DHH: variants seen among roughly 807,000 people sequenced by gnomAD.
DHH encodes desert hedgehog protein.
In DHH, 16 loss-of-function variants were observed where a neutral mutation model predicts 27.6. That is an observed-to-expected ratio of 0.58 (90% CI 0.39 to 0.88). DHH has a LOEUF of 0.88. Ranked by LOEUF, DHH falls within the 40% of genes least tolerant of loss-of-function variation. DHH has a pLI of 0.00. For synonymous variants in DHH, 289 were observed against 263.4 expected (o/e 1.10, Z -0.94); for missense variants, 436 against 563.1 (o/e 0.77, Z 2.28).
In DHH at chr12:49,087,403, A is replaced by T. The variant is rs1418569011; in HGVS notation, c.*2456T>A. Among the ~76,000 whole-genome samples the T allele has an allele frequency of 6.6e-6, 1 of 152,192 alleles. No homozygotes were observed. The highest frequency in any genetic ancestry group is 1.5e-5 in the Non-Finnish European group (1 of 68,028). On this transcript the variant is annotated 3_prime_UTR_variant, in exon 3 of 3. Coordinates refer to ENST00000649637, the MANE Select transcript of DHH (RefSeq NM_021044.4). ...ATCACCATTATGATTTTATGGTTAA[A>T]GGTTAAAACTGTAAGATATATGTAT...
At position 49,090,261 on chromosome 12, in the gene DHH, G is replaced by T; in HGVS notation, c.789C>A (p.Arg263=). The stretch of plus-strand genomic sequence containing the variant: ...GGTGCCAGGGCGTGAGCAACAGTTT[G>T]CGTGGAGGCCACTCGGTCTCCACAG... ...FVAVETEWPP[R]KLLLTPWHLV... is the part of the protein sequence containing the mutation. Residue 263 remains arginine, a synonymous_variant, in exon 3 of 3, where the codon CGC becomes CGA. Transcript: ENST00000649637. This position sits in a 1 kb window ranked among gnomAD's most constrained non-coding sequence, Gnocchi z 5.2. 1 of 1,569,926 alleles carries T rather than the reference G, an allele frequency of 6.4e-7. No individual in the cohort carries two copies. Among genetic ancestry groups the T allele is most frequent in the Non-Finnish European group, 8.6e-7 (1 of 1,158,224 alleles).
In DHH at chr12:49,090,077, A is replaced by C. The variant is rs1270719741; in HGVS notation, c.973T>G (p.Phe325Val). The change falls in exon 3 of 3, where the codon TTC (phenylalanine) becomes GTC (valine). Residue 325 changes from phenylalanine (F) to valine (V), a missense_variant. By Grantham distance (50) the Phe-to-Val change is conservative (BLOSUM62 -1). Transcript: ENST00000649637. The surrounding 1 kb of genome is among the most constrained non-coding windows in gnomAD (Gnocchi z 5.2). ...RVAREEAVGV[F>V]APLTAHGTLL... ...GTCCCGTGCGCGGTGAGCGGCGCGA[A>C]CACGCCCACGGCTTCCTCCCGCGCC... 6.5e-7 allele frequency: 1 copy of C among 1,537,644 alleles called. No homozygotes were observed. Among genetic ancestry groups the C allele is most frequent in the Admixed American group, 2.0e-5 (1 of 49,992 alleles).
Position 49,094,681 on chromosome 12 carries a change from C to A in DHH, c.-169G>T, listed in dbSNP as rs1439478600. On this transcript the variant is annotated 5_prime_UTR_variant, in exon 1 of 3. Coordinates refer to ENST00000649637, the MANE Select transcript of DHH (RefSeq NM_021044.4). The stretch of plus-strand genomic sequence containing the variant: ...GGCTGCTGCTAGCTCTGCCCACGTG[C>A]CCCGGGAGCGGGCGGGGGGTGTCTA... The A allele has an allele frequency of 1.9e-5, 16 of 828,234 alleles. 1 individual carries two copies. Among genetic ancestry groups the A allele is most frequent in the Non-Finnish European group, 2.7e-5 (14 of 510,718 alleles). 51.3% of individuals were successfully genotyped at this position (828,234 alleles called of 1,614,324 possible).
In DHH at chr12:49,094,408, A is replaced by G. The variant is rs1394895159; in HGVS notation, c.105T>C (p.Tyr35=). 2 of 1,611,116 alleles carry G rather than the reference A, an allele frequency of 1.2e-6. No homozygotes were observed. The highest frequency in any genetic ancestry group is 1.7e-6 in the Non-Finnish European group (2 of 1,179,022). ...GTAGCGGCACGAGCTGCTTGCGCGC[A>G]TAGCGGCGCCGGCCAACCGGCCCCC... ...PGRGPVGRRR[Y]ARKQLVPLLY... The change falls in exon 1 of 3, where the codon TAT becomes TAC. Residue 35 remains tyrosine, a synonymous_variant. Coordinates refer to ENST00000649637, the MANE Select transcript of DHH (RefSeq NM_021044.4).
In DHH at chr12:49,094,379, T is replaced by C. The variant is rs1366597963; in HGVS notation, c.134A>G (p.Tyr45Cys). ...TGGCACGCCGGGCACAAATTGCTTGTAGAGTAGCGGCACGAGCTGCTTGCG... is the reference window on the plus strand; with the variant it reads ...TGGCACGCCGGGCACAAATTGCTTGCAGAGTAGCGGCACGAGCTGCTTGCG... ...YARKQLVPLL[Y>C]KQFVPGVPER... Residue 45 changes from tyrosine to cysteine, a missense_variant, in exon 1 of 3, where the codon TAC becomes TGC. Tyr to Cys is a radical substitution (Grantham distance 194). Transcript: ENST00000649637. 3.7e-6 allele frequency: 6 copies of C among 1,612,692 alleles called. No individual in the cohort carries two copies. The highest frequency in any genetic ancestry group is 3.3e-4 in the Middle Eastern group (2 of 6,032).
chr12:49,091,324 T>C lies in DHH; in HGVS notation c.369A>G (p.Leu123=), dbSNP rs772953254. 1 of 1,614,192 alleles carries C rather than the reference T, an allele frequency of 6.2e-7. No individual in the cohort carries two copies. The highest frequency in any genetic ancestry group is 2.2e-5 in the East Asian group (1 of 44,870). ...AVMNMWPGVR[L]RVTEGWDEDG... ...CCTCGTCCCAGCCCTCAGTCACTCGTAGGCGCACTCCGGGCCACATGTTCA... is the reference window on the plus strand; with the variant it reads ...CCTCGTCCCAGCCCTCAGTCACTCGCAGGCGCACTCCGGGCCACATGTTCA... Residue 123 remains leucine (L), a synonymous_variant, in exon 2 of 3, where the codon CTA becomes CTG. Coordinates refer to ENST00000649637, the MANE Select transcript of DHH (RefSeq NM_021044.4). This position sits in a 1 kb window ranked among gnomAD's most constrained non-coding sequence, Gnocchi z 4.8.
At position 49,091,200 on chromosome 12, in the gene DHH, G is replaced by A. The variant is rs1413470819; in HGVS notation, c.493C>T (p.Leu165Phe). 4 of 1,614,104 alleles carry A rather than the reference G, an allele frequency of 2.5e-6. No individual in the cohort carries two copies. Among genetic ancestry groups the A allele is most frequent in the Non-Finnish European group, 3.4e-6 (4 of 1,180,042 alleles). Reference sequence around the variant, plus strand: ...CAGTCGAAGCCGGCTTCCACTGCGAGGCGCGCCAGCAACCCATACTTGTTG... The same window carrying A: ...CAGTCGAAGCCGGCTTCCACTGCGAAGCGCGCCAGCAACCCATACTTGTTG... Reference protein sequence around the residue: ...DRNKYGLLARLAVEAGFDWVY... With the variant: ...DRNKYGLLARFAVEAGFDWVY... Residue 165 changes from leucine to phenylalanine, a missense_variant, in exon 2 of 3, where the codon CTC (leucine) becomes TTC (phenylalanine). Transcript: ENST00000649637. The surrounding 1 kb of genome is among the most constrained non-coding windows in gnomAD (Gnocchi z 4.8).
chr12:49,089,702 G>T lies in DHH; in HGVS notation c.*157C>A. 2.0e-6 allele frequency: 2 copies of T among 987,012 alleles called. No individual in the cohort carries two copies. Among genetic ancestry groups the T allele is most frequent in the Non-Finnish European group, 1.4e-6 (1 of 707,712 alleles). The allele number at this position is 987,012 out of a possible 1,614,324, so 61.1% of individuals were successfully genotyped here. ...TAGGACCCGGTATCACCTCCTCTCAGTACGAGGTTGCCCCTAAGCCAGGCA... is the reference window on the plus strand; with the variant it reads ...TAGGACCCGGTATCACCTCCTCTCATTACGAGGTTGCCCCTAAGCCAGGCA... On this transcript the variant is annotated 3_prime_UTR_variant, in exon 3 of 3. Transcript: ENST00000649637.
Position 49,089,931 on chromosome 12 carries a change from C to T in DHH, c.1119G>A (p.Gly373=). 2 of 1,586,530 alleles carry T rather than the reference C, an allele frequency of 1.3e-6. No individual in the cohort carries two copies. Among genetic ancestry groups the T allele is most frequent in the Non-Finnish European group, 1.7e-6 (2 of 1,167,390 alleles). Residue 373 remains glycine, a synonymous_variant, in exon 3 of 3, where the codon GGG becomes GGA. Transcript: ENST00000649637. ...AATGCATGCCAGTCGGCTGGACGGC[C>T]CCGCCGGGGAGCAGCGCCCCTAGCG... The part of the protein sequence containing the change: ...LHALGALLPG[G]AVQPTGMHWY...
At position 49,094,068 on chromosome 12, in the gene DHH, T is replaced by TCCC. The variant is rs763261015; in HGVS notation, c.303+139_303+141dup. 18 of 920,208 alleles carry TCCC rather than the reference T, an allele frequency of 2.0e-5. No individual in the cohort carries two copies. In the African/African-American group the frequency reaches 2.5e-4, roughly 13 times the overall value. 57.0% of individuals were successfully genotyped at this position (920,208 alleles called of 1,614,324 possible). ...ACTCTGTCCAGACTGCAAGGATTTT[T>TCCC]CCCCCCCCTGGGGCTGGTGACAAGG... On this transcript the variant is annotated intron_variant, in intron 1 of 2. Coordinates refer to ENST00000649637, the MANE Select transcript of DHH (RefSeq NM_021044.4).
chr12:49,090,627 GC>G lies in DHH; in HGVS notation c.566-144del. Reference sequence around the variant, plus strand: ...CCCCAACCTGGGCAGAAAAGGAAGGGCGGTTTTTCTTTCTTTTCTTTTCCTT... The same window carrying G: ...CCCCAACCTGGGCAGAAAAGGAAGGGGGTTTTTCTTTCTTTTCTTTTCCTT... On this transcript the variant is annotated intron_variant, in intron 2 of 2. Transcript: ENST00000649637. This position sits in a 1 kb window ranked among gnomAD's most constrained non-coding sequence, Gnocchi z 5.2. The G allele has an allele frequency of 8.8e-7, 1 of 1,136,596 alleles. No individual in the cohort carries two copies. Among genetic ancestry groups the G allele is most frequent in the Non-Finnish European group, 1.2e-6 (1 of 807,778 alleles). The allele number at this position is 1,136,596 out of a possible 1,614,324, so 70.4% of individuals were successfully genotyped here.
chr12:49,091,621 A>T lies in DHH; in HGVS notation c.304-232T>A, dbSNP rs1057052903. ...TCTGAGGTTGAGAGGGGGTGCCCATACCTAGCTCCTTCCCCATTTTTAATG... is the reference window on the plus strand; with the variant it reads ...TCTGAGGTTGAGAGGGGGTGCCCATTCCTAGCTCCTTCCCCATTTTTAATG... On this transcript the variant is annotated intron_variant, in intron 1 of 2. Transcript: ENST00000649637. The surrounding 1 kb of genome is among the most constrained non-coding windows in gnomAD (Gnocchi z 4.8). Among the ~76,000 whole-genome samples, 1 of 152,082 alleles carries T rather than the reference A, an allele frequency of 6.6e-6. No individual in the cohort carries two copies. Among genetic ancestry groups the T allele is most frequent in the South Asian group, 2.1e-4 (1 of 4,826 alleles).
rs1443538567 is a variant in DHH at position 49,089,947 on chromosome 12, G to A, written c.1103C>T (p.Ala368Val). The A allele has an allele frequency of 1.3e-6, 2 of 1,579,692 alleles. No homozygotes were observed. Among genetic ancestry groups the A allele is most frequent in the South Asian group, 1.2e-5 (1 of 86,454 alleles). ...CTGGACGGCCCCGCCGGGGAGCAGC[G>A]CCCCTAGCGCGTGCAGCAGTCTCAA... ...APLRLLHALG[A>V]LLPGGAVQPT... The change falls in exon 3 of 3, where the codon GCG (alanine) becomes GTG (valine). Residue 368 changes from alanine to valine, a missense_variant. Transcript: ENST00000649637.
rs1157322599 is a variant in DHH at position 49,087,361 on chromosome 12, T to C, written c.*2498A>G. Among the ~76,000 whole-genome samples the C allele has an allele frequency of 2.6e-5, 4 of 152,330 alleles. No individual in the cohort carries two copies. The highest frequency in any genetic ancestry group is 5.9e-5 in the Non-Finnish European group (4 of 68,024). ...CTGAAATATCTCCCTAGCTAACTTA[T>C]TACAGTGCTAGGAATCATCACCATT... On this transcript the variant is annotated 3_prime_UTR_variant, in exon 3 of 3. Transcript: ENST00000649637.
Position 49,087,131 on chromosome 12 carries a change from G to A in DHH, c.*2728C>T, listed in dbSNP as rs1476858655. Reference sequence around the variant, plus strand: ...CAATTGGGAGGTGTTGCATGGCCAAGTGAATATGCCCACCTGCTGCACCAA... The same window carrying A: ...CAATTGGGAGGTGTTGCATGGCCAAATGAATATGCCCACCTGCTGCACCAA... On this transcript the variant is annotated 3_prime_UTR_variant, in exon 3 of 3. Transcript: ENST00000649637. 2.0e-5 allele frequency among the ~76,000 whole-genome samples: 3 copies of A among 152,006 alleles called. No homozygotes were observed. Among genetic ancestry groups the A allele is most frequent in the Non-Finnish European group, 4.4e-5 (3 of 68,020 alleles).
chr12:49,094,470 G>T lies in DHH; in HGVS notation c.43C>A (p.Leu15Ile), dbSNP rs775788539. The T allele has an allele frequency of 5.1e-6, 8 of 1,580,096 alleles. No individual in the cohort carries two copies. The highest frequency in any genetic ancestry group is 2.3e-5 in the East Asian group (1 of 42,650). Residue 15 changes from leucine (L) to isoleucine (I), a missense_variant, in exon 1 of 3, where the codon CTT becomes ATT. Coordinates refer to ENST00000649637, the MANE Select transcript of DHH (RefSeq NM_021044.4). ...CAGCTCTGGGCTGGCAGCGCCAGAAGTGCCAAGCAGCACAGGGGCAGTAGA... is the reference window on the plus strand; with the variant it reads ...CAGCTCTGGGCTGGCAGCGCCAGAATTGCCAAGCAGCACAGGGGCAGTAGA... Reference protein sequence around the residue: ...TNLLPLCCLALLALPAQSCGP... With the variant: ...TNLLPLCCLAILALPAQSCGP...
chr12:49,087,676 G>T lies in DHH; in HGVS notation c.*2183C>A, dbSNP rs1174921772. ...CAAGGTCACACCACTGCACTCCAGC[G>T]TGGGCAACAGAGCGAGATCCTGTCT... On this transcript the variant is annotated 3_prime_UTR_variant, in exon 3 of 3. Coordinates refer to ENST00000649637, the MANE Select transcript of DHH (RefSeq NM_021044.4). Among the ~76,000 whole-genome samples, 1 of 152,168 alleles carries T rather than the reference G, an allele frequency of 6.6e-6. No individual in the cohort carries two copies. The highest frequency in any genetic ancestry group is 2.4e-5 in the African/African-American group (1 of 41,452).
At chr12:49,093,852 C>T (rs1448005528) in intron 1 of DHH, among the ~76,000 whole-genome samples, 2 of 152,178 alleles carry the variant, frequency 1.3e-5, no homozygotes, top group Non-Finnish European at 2.9e-5. Flanking sequence ...CAGCTCCTGG[C>T]CCCCAGCTCA....
In DHH at chr12:49,090,579, C is replaced by CA; in HGVS notation, c.566-96dup. On this transcript the variant is annotated intron_variant, in intron 2 of 2. Coordinates refer to ENST00000649637, the MANE Select transcript of DHH (RefSeq NM_021044.4). The surrounding 1 kb of genome is among the most constrained non-coding windows in gnomAD (Gnocchi z 5.2). Reference sequence around the variant, plus strand: ...CAGATATCGCCAGTCATGGACAACACAATTTTCCGTTAATCTGACTGGCCC... The same window carrying CA: ...CAGATATCGCCAGTCATGGACAACACAAATTTTCCGTTAATCTGACTGGCCC... 2 of 1,519,506 alleles carry CA rather than the reference C, an allele frequency of 1.3e-6. No homozygotes were observed. Among genetic ancestry groups the CA allele is most frequent in the Non-Finnish European group, 1.8e-6 (2 of 1,128,688 alleles). 94.1% of individuals were successfully genotyped at this position (1,519,506 alleles called of 1,614,324 possible).
Sources: gnomAD v4.1 joint callset for allele counts (sites outside exome capture counted in the v4.1 genomes callset) on GRCh38, gnomAD v4.1.1 for gene constraint, Gnocchi (gnomAD v3.1) non-coding constraint, MANE v1.5 for transcripts, NCBI Gene and HGNC (gene_info 2026-07-23, HGNC 2026-07-21) for gene names.